RFX3: variants seen among roughly 807,000 people sequenced by gnomAD.
RFX3 encodes regulatory factor X3.
Under a neutral mutation model 98.6 loss-of-function variants are expected in RFX3, and 14 were observed. That is an observed-to-expected ratio of 0.14 (90% CI 0.09 to 0.22). The LOEUF is 0.22. RFX3 is among the 10% of genes least tolerant of loss of function. The pLI is 1.00. For synonymous variants in RFX3, 383 were observed against 328.4 expected (o/e 1.17, Z -1.80); for missense variants, 639 against 926.9 (o/e 0.69, Z 4.03).
chr9:3,414,745 A>AGTATATATGAGTATATAT (rs1554700486), intron 1 of RFX3, among the ~76,000 whole-genome samples: 2 of 37,484 alleles, frequency 5.3e-5, no homozygotes, highest in East Asian at 1.1e-3. Context: ...TGTATATATG[A>AGTATATATGAGTATATAT]GTATATATGA....
At chr9:3,405,547 C>G (rs974259407) in intron 1 of RFX3, among the ~76,000 whole-genome samples, 5 of 152,164 alleles carry the variant, frequency 3.3e-5, no homozygotes, top group African/African-American at 1.2e-4. Context: ...GGGGAATACA[C>G]AGTCTGCCCT....
chr9:3,301,549 G>A lies in RFX3; in HGVS notation c.546C>T (p.Ser182=), dbSNP rs751629418. The A allele has an allele frequency of 1.2e-5, 19 of 1,596,394 alleles. No individual in the cohort carries two copies. The East Asian group carries it at 4.0e-4, about 34-fold the overall frequency. ...LSTHRSSLLN[S]HLQWLLDNYE... The stretch of plus-strand genomic sequence containing the variant: ...ACATGAAGAAGAGGCAACTTACATG[G>A]CTGTTGAGAAGAGAGCTTCTGTGAG... The change falls in exon 5 of 17, where the codon AGC becomes AGT. Residue 182 remains serine (S), a synonymous_variant. Transcript: ENST00000617270.
At chr9:3,323,721 A>C (rs2920383) in intron 4 of RFX3, among the ~76,000 whole-genome samples, 19,398 of 152,172 alleles carry the variant, frequency 0.13, 1,310 homozygotes, top group Middle Eastern at 0.19. Context: ...AAAATAAAAT[A>C]ATTCATTATA....
intron 5 of RFX3, among the ~76,000 whole-genome samples, chr9:3,297,634 G>A (rs1828150177): frequency 6.6e-6 from 1 of 151,842 alleles, no homozygotes; most frequent in South Asian, 2.1e-4. Context: ...ATTTTGACAG[G>A]CCTTATTTCT....
chr9:3,326,879 C>T (rs1831982345), intron 4 of RFX3, among the ~76,000 whole-genome samples: 1 of 152,150 alleles, frequency 6.6e-6, no homozygotes, highest in Admixed American at 6.6e-5. Context: ...ATTGACTATG[C>T]ATTACACTTA....
intron 1 of RFX3, among the ~76,000 whole-genome samples, chr9:3,426,540 G>A (rs1163698801): frequency 6.6e-6 from 1 of 152,092 alleles, no homozygotes; most frequent in Non-Finnish European, 1.5e-5. Flanking sequence ...GAGGTGAGCA[G>A]CAGGTGAGCC....
chr9:3,489,151 T>C (rs1351504357), intron 1 of RFX3, among the ~76,000 whole-genome samples: 1 of 152,198 alleles, frequency 6.6e-6, no homozygotes, highest in Non-Finnish European at 1.5e-5. Context: ...TAAGCTTCAT[T>C]TATTAAAAAT....
chr9:3,271,887 T>A lies in RFX3; in HGVS notation c.1087-769A>T, dbSNP rs1382356099. ...GGATACTGCCTCTCTGGGCATAGCATTCAACATTAAAGAGAATCCAATCCT... is the reference window on the plus strand; with the variant it reads ...GGATACTGCCTCTCTGGGCATAGCAATCAACATTAAAGAGAATCCAATCCT... On this transcript the variant is annotated intron_variant, in intron 9 of 16. Transcript: ENST00000617270. 2.0e-5 allele frequency among the ~76,000 whole-genome samples: 3 copies of A among 152,054 alleles called. No homozygotes were observed. In the East Asian group the frequency reaches 5.8e-4, roughly 29 times the overall value.
chr9:3,486,673 A>G (rs568033304), intron 1 of RFX3, among the ~76,000 whole-genome samples: 2 of 152,298 alleles, frequency 1.3e-5, no homozygotes, highest in African/African-American at 4.8e-5. Context: ...TTGAATATTA[A>G]ACTCCGGATT....
chr9:3,457,048 G>A (rs900954063), intron 1 of RFX3, among the ~76,000 whole-genome samples: 1 of 148,322 alleles, frequency 6.7e-6, no homozygotes, highest in Non-Finnish European at 1.5e-5. Context: ...GGCTAAGGCA[G>A]GAGAATAGCT....
At chr9:3,343,183 A>C (rs1834083083) in intron 3 of RFX3, among the ~76,000 whole-genome samples, 1 of 152,188 alleles carries the variant, frequency 6.6e-6, no homozygotes, top group African/African-American at 2.4e-5. Flanking sequence ...GTGAGACCCC[A>C]TGCATTATGG....
chr9:3,364,058 T>C (rs1445473969), intron 2 of RFX3, among the ~76,000 whole-genome samples: 2 of 152,160 alleles, frequency 1.3e-5, no homozygotes, highest in African/African-American at 4.8e-5. Context: ...GTACTTTTAG[T>C]AGAGACGGGG....
chr9:3,366,710 CTTTCTTTCTTTCTT>C (rs1337366820), intron 2 of RFX3, among the ~76,000 whole-genome samples: 1 of 91,940 alleles, frequency 1.1e-5, no homozygotes, highest in African/African-American at 4.4e-5. Context: ...TTCTTTCTTT[CTTTCTTTCTTTCTT>C]TCTTTCTTTC....
chr9:3,486,834 T>A (rs1587837194), intron 1 of RFX3, among the ~76,000 whole-genome samples: 1 of 152,188 alleles, frequency 6.6e-6, no homozygotes, highest in Non-Finnish European at 1.5e-5. Flanking sequence ...CAGATACGAT[T>A]TATTTTCTAT....
intron 15 of RFX3, among the ~76,000 whole-genome samples, chr9:3,246,332 T>C (rs1007795250): frequency 2.6e-5 from 4 of 152,052 alleles, no homozygotes; most frequent in Non-Finnish European, 5.9e-5. Context: ...GTTGGCACTA[T>C]AGATTATGTA....
At chr9:3,257,741 T>C (rs1022650325) in intron 13 of RFX3, among the ~76,000 whole-genome samples, 1 of 152,158 alleles carries the variant, frequency 6.6e-6, no homozygotes, top group Non-Finnish European at 1.5e-5. Context: ...TGCTGTGAGT[T>C]ATATGGATTG....
chr9:3,412,627 G>T (rs1038704850), intron 1 of RFX3, among the ~76,000 whole-genome samples: 2 of 152,048 alleles, frequency 1.3e-5, no homozygotes, highest in Admixed American at 1.3e-4. Flanking sequence ...GAAGCTTAGG[G>T]TAGTTTCAGG....
intron 1 of RFX3, among the ~76,000 whole-genome samples, chr9:3,403,009 AC>A (rs1841620272): frequency 1.3e-5 from 2 of 152,092 alleles, no homozygotes; most frequent in Non-Finnish European, 2.9e-5. Flanking sequence ...TATATATGTT[AC>A]ACATATATAT....
At chr9:3,387,959 C>CA (rs900778367) in intron 2 of RFX3, among the ~76,000 whole-genome samples, 20 of 152,234 alleles carry the variant, frequency 1.3e-4, no homozygotes, top group African/African-American at 4.8e-4. Flanking sequence ...CCCAAACTAA[C>CA]AAATTCATTT....
Sources: allele counts gnomAD v4.1 joint callset (sites outside exome capture counted in the v4.1 genomes callset), GRCh38; gene constraint gnomAD v4.1.1; transcripts MANE v1.5; gene names NCBI Gene and HGNC (gene_info 2026-07-23, HGNC 2026-07-21).